Variants in GSR observed in about 807,000 individuals in gnomAD.
The protein encoded by GSR is glutathione reductase, mitochondrial.
Under a neutral mutation model 56.5 loss-of-function variants are expected in GSR, and 48 were observed. The ratio of observed to expected loss-of-function variants is 0.85; its 90% confidence interval spans 0.67 to 1.08. The LOEUF (loss-of-function observed/expected upper bound fraction) is 1.08, where lower values mean the gene tolerates loss of function less well. Among genes scored for constraint, GSR ranks in the 50% least tolerant of loss-of-function variants. The pLI, the probability that GSR is intolerant of heterozygous loss-of-function variation, is 0.00. For synonymous variants in GSR, 264 were observed against 270.8 expected, an observed-to-expected ratio of 0.97 and a Z score of 0.25; for missense variants, 694 against 703.3, an observed-to-expected ratio of 0.99 and a Z score of 0.15.
intron 1 of GSR, among the ~76,000 whole-genome samples, chr8:30,719,088 C>T (rs531236065): frequency 2.1e-5 from 3 of 144,770 alleles, no homozygotes; most frequent in African/African-American, 7.6e-5. Flanking sequence ...CGCCACCACG[C>T]CCAGCTAATT....
chr8:30,703,269 T>A lies in GSR; in HGVS notation c.493-29A>T, dbSNP rs779063243. 2.5e-6 allele frequency: 4 copies of A among 1,607,420 alleles called. No homozygotes were observed. In the African/African-American group the frequency reaches 5.3e-5, roughly 21 times the overall value. ...AAGAAGGAACCATGACATTAGCCTG[T>A]TCTTAGAATAAAAACAAAGACACCT... On this transcript the variant is annotated intron_variant, in intron 4 of 12. Coordinates refer to ENST00000221130, the MANE Select transcript of GSR (RefSeq NM_000637.5).
intron 1 of GSR, among the ~76,000 whole-genome samples, chr8:30,713,092 A>T (rs1283984623): frequency 6.6e-6 from 1 of 151,802 alleles, no homozygotes; most frequent in Non-Finnish European, 1.5e-5. Flanking sequence ...GCTGGAGTGC[A>T]ATGGTGCGAT....
chr8:30,695,214 T>C (rs1428661139), intron 7 of GSR, among the ~76,000 whole-genome samples: 2 of 152,034 alleles, frequency 1.3e-5, no homozygotes, highest in Non-Finnish European at 2.9e-5. Context: ...TGCTATGAGA[T>C]TTTTTTGCAG....
chr8:30,713,359 TTTGG>T (rs1358968633), intron 1 of GSR, among the ~76,000 whole-genome samples: 1 of 149,744 alleles, frequency 6.7e-6, no homozygotes, highest in Non-Finnish European at 1.5e-5. Context: ...TATTTTTTTG[TTTGG>T]TTGTTTTTTT....
At position 30,708,958 on chromosome 8, in the gene GSR, CAAAA is replaced by C. The variant is rs769951825; in HGVS notation, c.423-821_423-818del. On this transcript the variant is annotated intron_variant, in intron 3 of 12. Transcript: ENST00000221130. ...TGGGTGACAGAGTGAGACTCCGTCT[CAAAA>C]AAAAAAAAAAAAAAGGTAAAAACAA... is the stretch of plus-strand genomic sequence containing the variant. 7.7e-3 allele frequency among the ~76,000 whole-genome samples: 434 copies of C among 56,682 alleles called. 1 individual carries two copies. The highest frequency in any genetic ancestry group is 0.025 in the African/African-American group (424 of 17,098). 37.2% of individuals were successfully genotyped at this position (56,682 alleles called of 152,430 possible).
In GSR at chr8:30,693,167, C is replaced by T. The variant is rs140349159; in HGVS notation, c.796-112G>A. ...TTATCTCTCCCCTAATTATTTCCTC[C>T]TTACTTATGGCCATATTGGGAGTGG... is the stretch of plus-strand genomic sequence containing the variant. On this transcript the variant is annotated intron_variant, in intron 7 of 12. Transcript: ENST00000221130. 2.4e-4 allele frequency: 175 copies of T among 730,204 alleles called. No individual in the cohort carries two copies. The African/African-American group carries it at 2.5e-3, about 10-fold the overall frequency. The allele number at this position is 730,204 out of a possible 1,614,324, so 45.2% of individuals were successfully genotyped here.
chr8:30,719,118 T>C (rs1031670845), intron 1 of GSR, among the ~76,000 whole-genome samples: 4 of 146,832 alleles, frequency 2.7e-5, no homozygotes, highest in African/African-American at 1.0e-4. Context: ...TTTTTTTTTT[T>C]TTTTTTTGAG....
chr8:30,699,148 A>G (rs777594128), intron 6 of GSR, among the ~76,000 whole-genome samples: 2 of 151,980 alleles, frequency 1.3e-5, no homozygotes, highest in African/African-American at 4.8e-5. Context: ...AAAGTTAACC[A>G]GGTATGGTGG....
At chr8:30,709,166 T>G (rs1035929798) in intron 3 of GSR, among the ~76,000 whole-genome samples, 1 of 151,828 alleles carries the variant, frequency 6.6e-6, no homozygotes, top group African/African-American at 2.4e-5. Flanking sequence ...AAGACTAGCC[T>G]GGGCACCACA....
intron 1 of GSR, among the ~76,000 whole-genome samples, chr8:30,725,113 T>A: frequency 6.6e-6 from 1 of 152,076 alleles, no homozygotes; most frequent in Non-Finnish European, 1.5e-5. Flanking sequence ...ATATCTATCG[T>A]TTTCTCCCTA....
chr8:30,689,746 G>GTGTA (rs576222837), intron 8 of GSR, among the ~76,000 whole-genome samples: 6 of 138,626 alleles, frequency 4.3e-5, no homozygotes, highest in African/African-American at 1.6e-4. Flanking sequence ...GTGTGTGTGT[G>GTGTA]TATATATATA....
chr8:30,688,949 G>A (rs1483335113), intron 9 of GSR, among the ~76,000 whole-genome samples: 1 of 150,478 alleles, frequency 6.6e-6, no homozygotes, highest in African/African-American at 2.4e-5. Context: ...AACAAAAACA[G>A]AAAAGAAAGG....
rs756726049 is a variant in GSR at position 30,684,135 on chromosome 8, C to T, written c.1106G>A (p.Gly369Asp). 8 of 1,608,818 alleles carry T rather than the reference C, an allele frequency of 5.0e-6. 1 individual carries two copies. The East Asian group carries it at 6.7e-5, about 13-fold the overall frequency. ...VDEFQNTNVK[G>D]IYAVGDVCGK... ...ACATACATCCCCAACTGCATAGATG[C>T]CTTTGACGTTGGTATTCTGGAATTC... Residue 369 changes from glycine (G) to aspartate (D), a missense_variant, in exon 10 of 13, where the codon GGC becomes GAC. Physicochemically the swap from Gly to Asp is moderately conservative, Grantham distance 94. Coordinates refer to ENST00000221130, the MANE Select transcript of GSR (RefSeq NM_000637.5).
intron 1 of GSR, among the ~76,000 whole-genome samples, chr8:30,714,939 TC>T (rs1242260439): frequency 6.6e-6 from 1 of 152,106 alleles, no homozygotes; most frequent in Non-Finnish European, 1.5e-5. Flanking sequence ...CAGCACTGCA[TC>T]CTTCATGGCA....
At chr8:30,706,557 C>T (rs1408945317) in intron 4 of GSR, among the ~76,000 whole-genome samples, 2 of 151,954 alleles carry the variant, frequency 1.3e-5, no homozygotes, top group Admixed American at 1.3e-4. Context: ...TTAGAAACAG[C>T]AAAGTGAGAC....
At chr8:30,694,973 G>A (rs1803498132) in intron 7 of GSR, among the ~76,000 whole-genome samples, 1 of 151,814 alleles carries the variant, frequency 6.6e-6, no homozygotes, top group Non-Finnish European at 1.5e-5. Flanking sequence ...GAAGGCTGAG[G>A]CAGGAAAATC....
At position 30,727,665 on chromosome 8, in the gene GSR, G is replaced by C; in HGVS notation, c.171C>G (p.Pro57=). 1.4e-6 allele frequency: 2 copies of C among 1,450,744 alleles called. No individual in the cohort carries two copies. The highest frequency in any genetic ancestry group is 2.8e-5 in the South Asian group (2 of 72,620). 89.9% of individuals were successfully genotyped at this position (1,450,744 alleles called of 1,614,324 possible). A position where few individuals can be genotyped will look rare whatever the true frequency, so the allele number is the denominator to read the frequency against. ...RQEPQPQGPP[P]AAGAVASYDY... is the part of the protein sequence containing the mutation. ...CATAGGAGGCCACGGCGCCAGCAGCGGGCGGCGGGCCCTGCGGCTGCGGCT... is the reference window on the plus strand; with the variant it reads ...CATAGGAGGCCACGGCGCCAGCAGCCGGCGGCGGGCCCTGCGGCTGCGGCT... Residue 57 remains proline, a synonymous_variant, in exon 1 of 13, where the codon CCC becomes CCG. Coordinates refer to ENST00000221130, the MANE Select transcript of GSR (RefSeq NM_000637.5).
chr8:30,681,039 T>C lies in GSR; in HGVS notation c.1286-2A>G. ...TTCCATATTTATGAATGGCTTCATC[T>C]ACAATGCACATTAAAAAAAGCATCT... is the stretch of plus-strand genomic sequence containing the variant. On this transcript the variant is annotated splice_acceptor_variant, in intron 11 of 12. Transcript: ENST00000221130. LOFTEE classifies it high-confidence loss of function. The C allele has an allele frequency of 6.2e-7, 1 of 1,605,750 alleles. No homozygotes were observed. Among genetic ancestry groups the C allele is most frequent in the Non-Finnish European group, 8.5e-7 (1 of 1,172,930 alleles).
intron 10 of GSR, 134 bp from the exon 11 acceptor site, chr8:30,682,195 CTAGA>C: frequency 1.3e-6 from 1 of 783,462 alleles, no homozygotes; most frequent in South Asian, 1.4e-5. Context: ...ATTACACTAT[CTAGA>C]TAGTTTAATA....
Sources: gnomAD v4.1 joint callset for allele counts (sites outside exome capture counted in the v4.1 genomes callset) on GRCh38, gnomAD v4.1.1 for gene constraint, MANE v1.5 for transcripts, NCBI Gene and HGNC (gene_info 2026-07-23, HGNC 2026-07-21) for gene names.